The following ASIC2 variants were observed in gnomAD, a reference collection of about 807,000 sequenced individuals.
The protein encoded by ASIC2 is acid-sensing ion channel 2.
A neutral mutation model predicts 57.3 loss-of-function variants in ASIC2; 25 were observed. The ratio of observed to expected loss-of-function variants is 0.44; its 90% CI spans 0.32 to 0.61. ASIC2 has a LOEUF of 0.61. ASIC2 is among the 20% of genes least tolerant of loss of function. The probability of loss-of-function intolerance (pLI) is 0.06; values close to 1 mark genes in which losing one functional copy is unlikely to be tolerated. For missense variants in ASIC2, 641 were observed against 738.1 expected, an observed-to-expected ratio of 0.87 and a Z score of 1.52; for synonymous variants, 319 against 307.5, an observed-to-expected ratio of 1.04 and a Z score of -0.39.
intron 1 of ASIC2, among the ~76,000 whole-genome samples, chr17:33,245,418 C>G (rs1908655150): frequency 6.6e-6 from 1 of 152,182 alleles, no homozygotes; most frequent in Non-Finnish European, 1.5e-5. Context: ...CATTCAACAG[C>G]TGTTTGCTGA....
intron 1 of ASIC2, among the ~76,000 whole-genome samples, chr17:33,154,930 G>A (rs1475143404): frequency 6.6e-6 from 1 of 152,222 alleles, no homozygotes; most frequent in Non-Finnish European, 1.5e-5. Flanking sequence ...TTATTGTGTG[G>A]TGTATTTGCA....
At chr17:33,030,305 T>C (rs181540369) in intron 3 of ASIC2, among the ~76,000 whole-genome samples, 3 of 152,290 alleles carry the variant, frequency 2.0e-5, no homozygotes, top group East Asian at 1.9e-4. Context: ...CAACCCCCAA[T>C]ATGCTTTCTG....
At chr17:33,106,473 C>T (rs895877149) in intron 2 of ASIC2, among the ~76,000 whole-genome samples, 1 of 152,110 alleles carries the variant, frequency 6.6e-6, no homozygotes, top group African/African-American at 2.4e-5. Flanking sequence ...GACACTCGAA[C>T]CCTTTTAGAA....
chr17:33,929,717 T>A (rs769826975), intron 1 of ASIC2, among the ~76,000 whole-genome samples: 1 of 152,214 alleles, frequency 6.6e-6, no homozygotes, highest in Non-Finnish European at 1.5e-5. Context: ...TATTAATTCA[T>A]TGTGAATCCA....
At chr17:33,874,504 T>G (rs1193302756) in intron 1 of ASIC2, among the ~76,000 whole-genome samples, 5 of 152,242 alleles carry the variant, frequency 3.3e-5, no homozygotes, top group Non-Finnish European at 5.9e-5. Context: ...AAGCCAACCA[T>G]TCTTCCTGCC....
intron 1 of ASIC2, among the ~76,000 whole-genome samples, chr17:33,684,321 G>T (rs770003721): frequency 1.1e-4 from 17 of 152,300 alleles, no homozygotes; most frequent in Non-Finnish European, 2.1e-4. Flanking sequence ...CGACCCTGGG[G>T]TGGGGAGGGG....
chr17:33,744,909 T>C (rs1444945023), intron 1 of ASIC2, among the ~76,000 whole-genome samples: 1 of 151,832 alleles, frequency 6.6e-6, no homozygotes, highest in Non-Finnish European at 1.5e-5. Context: ...TCAACGAACA[T>C]GAAAAATTAT....
chr17:33,423,092 G>A (rs1252636234), intron 1 of ASIC2, among the ~76,000 whole-genome samples: 1 of 152,168 alleles, frequency 6.6e-6, no homozygotes, highest in Admixed American at 6.5e-5. Flanking sequence ...ACTGTTGGGG[G>A]CTCGCACCAG....
intron 1 of ASIC2, among the ~76,000 whole-genome samples, chr17:33,288,383 TGAG>T (rs1905279329): frequency 6.6e-6 from 1 of 151,782 alleles, no homozygotes; most frequent in Non-Finnish European, 1.5e-5. Context: ...CAGAGGGGCT[TGAG>T]GAGCAGGGAT....
At chr17:33,306,113 C>T (rs1906160173) in intron 1 of ASIC2, among the ~76,000 whole-genome samples, 1 of 152,126 alleles carries the variant, frequency 6.6e-6, no homozygotes, top group African/African-American at 2.4e-5. Flanking sequence ...CCAGTTTTTA[C>T]CACATTTTTT....
In ASIC2 at chr17:33,098,042, G is replaced by T. The variant is rs188221638; in HGVS notation, c.860-9052C>A. ...TGACTCTTAGTCCCACTACCTAATT[G>T]CCGGGTGACCTCAGGCACGTTAAAT... On this transcript the variant is annotated intron_variant, in intron 2 of 9. Transcript: ENST00000225823. 3.9e-5 allele frequency among the ~76,000 whole-genome samples: 6 copies of T among 152,216 alleles called. No homozygotes were observed. The East Asian group carries it at 1.2e-3, about 29-fold the overall frequency.
intron 1 of ASIC2, among the ~76,000 whole-genome samples, chr17:33,324,430 CT>C (rs1401597483): frequency 6.6e-6 from 1 of 152,150 alleles, no homozygotes; most frequent in Non-Finnish European, 1.5e-5. Flanking sequence ...TTATGATTCA[CT>C]CCTAACCCCA....
chr17:33,883,769 G>A (rs1914760235), intron 1 of ASIC2, among the ~76,000 whole-genome samples: 1 of 152,120 alleles, frequency 6.6e-6, no homozygotes, highest in South Asian at 2.1e-4. Flanking sequence ...TTCATGAATG[G>A]ACCTCTATTT....
intron 1 of ASIC2, among the ~76,000 whole-genome samples, chr17:33,474,965 C>G (rs36096790): frequency 6.6e-6 from 1 of 152,148 alleles, no homozygotes; most frequent in East Asian, 1.9e-4. Flanking sequence ...TGGAGTTGAT[C>G]GTCCTGCCTC....
intron 1 of ASIC2, among the ~76,000 whole-genome samples, chr17:34,033,426 T>C (rs1907713626): frequency 6.6e-6 from 1 of 151,898 alleles, no homozygotes; most frequent in African/African-American, 2.4e-5. Flanking sequence ...AGATATAAAA[T>C]TGACATCCTA....
chr17:33,106,776 G>A (rs562172341), intron 2 of ASIC2, among the ~76,000 whole-genome samples: 1 of 152,200 alleles, frequency 6.6e-6, no homozygotes, highest in East Asian at 1.9e-4. Context: ...TAAACAGGAC[G>A]TCTGTGAGAG....
rs550086377 is a variant in ASIC2, at chr17:33,446,045, G to A, written c.556-333978C>T. On this transcript the variant is annotated intron_variant, in intron 1 of 9. Coordinates refer to the ASIC2 transcript ENST00000359872. ...GTCTGTGAAGTACCATTTCCATAGGGACTTTTTTCCTTGACTGGAAGATGG... is the reference window on the plus strand; with the variant it reads ...GTCTGTGAAGTACCATTTCCATAGGAACTTTTTTCCTTGACTGGAAGATGG... 5.9e-5 allele frequency among the ~76,000 whole-genome samples: 9 copies of A among 151,926 alleles called. No individual in the cohort carries two copies. In the East Asian group the frequency reaches 1.8e-3, roughly 30 times the overall value.
chr17:33,499,502 A>C (rs1473891930), intron 1 of ASIC2, among the ~76,000 whole-genome samples: 4 of 152,356 alleles, frequency 2.6e-5, no homozygotes, highest in Non-Finnish European at 5.9e-5. Flanking sequence ...TATAAAGCCA[A>C]GGAGGGAGGC....
chr17:33,159,504 G>A (rs191832908), intron 1 of ASIC2, among the ~76,000 whole-genome samples: 19 of 152,216 alleles, frequency 1.2e-4, no homozygotes, highest in Non-Finnish European at 2.4e-4. Context: ...CTGAGGCTCC[G>A]AGAAGTAAAG....
Sources: allele counts gnomAD v4.1 joint callset (sites outside exome capture counted in the v4.1 genomes callset), GRCh38; gene constraint gnomAD v4.1.1; transcripts MANE v1.5; gene names NCBI Gene and HGNC (gene_info 2026-07-23, HGNC 2026-07-21).